Variants in SUMF1 observed in about 807,000 individuals in gnomAD.
The protein encoded by SUMF1 is formylglycine-generating enzyme.
A neutral mutation model predicts 47.6 loss-of-function variants in SUMF1; 48 were observed. The ratio of observed to expected loss-of-function variants is 1.01; its 90% CI spans 0.80 to 1.28. The LOEUF (loss-of-function observed/expected upper bound fraction) is 1.28. Ranked by LOEUF, SUMF1 falls within the 50% of genes most tolerant of loss-of-function variation. The pLI is 0.00. For missense variants in SUMF1, 571 were observed against 485.4 expected (o/e 1.18, Z -1.66); for synonymous variants, 230 against 192.1 (o/e 1.20, Z -1.63).
Position 4,350,031 on chromosome 3 carries a change from C to T in SUMF1, c.1014+26299G>A, listed in dbSNP as rs564356458. The stretch of plus-strand genomic sequence containing the variant: ...TTTTTTTTTTTCTGAGATGGAGTCT[C>T]GCTCTGTCGCCCAGGCTGGAGCGCA... On this transcript the variant is annotated intron_variant and NMD_transcript_variant, in intron 8 of 12. Transcript: ENST00000448413. Among the ~76,000 whole-genome samples the T allele has an allele frequency of 7.5e-5, 11 of 147,462 alleles. No individual in the cohort carries two copies. The East Asian group carries it at 1.2e-3, about 16-fold the overall frequency.
chr3:4,245,612 C>G (rs918682802), intron 8 of SUMF1, among the ~76,000 whole-genome samples: 9 of 152,162 alleles, frequency 5.9e-5, no homozygotes, highest in Non-Finnish European at 8.8e-5. Flanking sequence ...CCTCTGGAAG[C>G]TTCCTTCCAG....
At chr3:4,116,124 C>T (rs991011623) in intron 8 of SUMF1, among the ~76,000 whole-genome samples, 6 of 152,106 alleles carry the variant, frequency 3.9e-5, no homozygotes, top group Middle Eastern at 3.2e-3. Context: ...CCACAGTTAA[C>T]ATCATCCCCA....
chr3:4,149,359 C>T (rs1234576195), intron 8 of SUMF1, among the ~76,000 whole-genome samples: 2 of 152,066 alleles, frequency 1.3e-5, no homozygotes, highest in Non-Finnish European at 2.9e-5. Flanking sequence ...GACTATACAC[C>T]ATTTTCTCCT....
At chr3:4,155,206 A>T (rs1031717136) in intron 8 of SUMF1, among the ~76,000 whole-genome samples, 1 of 151,370 alleles carries the variant, frequency 6.6e-6, no homozygotes, top group Non-Finnish European at 1.5e-5. Context: ...TCCTATGCCA[A>T]TTAAGGTACT....
intron 8 of SUMF1, among the ~76,000 whole-genome samples, chr3:4,086,715 C>T (rs536610623): frequency 6.6e-6 from 1 of 152,096 alleles, no homozygotes; most frequent in South Asian, 2.1e-4. Context: ...CCCATAATAC[C>T]CTCATATTGT....
At chr3:4,371,277 G>T (rs551247735) in intron 8 of SUMF1, among the ~76,000 whole-genome samples, 1 of 152,132 alleles carries the variant, frequency 6.6e-6, no homozygotes, top group Non-Finnish European at 1.5e-5. Flanking sequence ...AAGTGGGAAG[G>T]ACCTGTTTTA....
intron 8 of SUMF1, among the ~76,000 whole-genome samples, chr3:4,216,165 A>C (rs900267023): frequency 6.6e-6 from 1 of 152,196 alleles, no homozygotes; most frequent in African/African-American, 2.4e-5. Context: ...AGTAACAAAA[A>C]CAGCATGGTA....
At chr3:4,355,068 C>T (rs141761223) in intron 8 of SUMF1, among the ~76,000 whole-genome samples, 14 of 152,234 alleles carry the variant, frequency 9.2e-5, no homozygotes, top group Non-Finnish European at 1.5e-4. Context: ...AAGACAGTGA[C>T]GCCGGACACA....
chr3:4,379,176 A>G (rs1700420860), intron 7 of SUMF1, among the ~76,000 whole-genome samples: 1 of 152,250 alleles, frequency 6.6e-6, no homozygotes, highest in African/African-American at 2.4e-5. Flanking sequence ...AAAAATTACT[A>G]GGAGGGTGTA....
At chr3:4,102,476 C>T (rs769382593) in intron 8 of SUMF1, among the ~76,000 whole-genome samples, 12 of 152,244 alleles carry the variant, frequency 7.9e-5, no homozygotes, top group East Asian at 5.8e-4. Context: ...CCTTCATCCG[C>T]TCCTCACTTA....
chr3:4,070,646 T>A (rs138220342), intron 8 of SUMF1, among the ~76,000 whole-genome samples: 3 of 151,296 alleles, frequency 2.0e-5, no homozygotes, highest in Admixed American at 2.0e-4. Context: ...TTCTTTTTTC[T>A]TTTTTTTTAG....
intron 8 of SUMF1, chr3:4,317,549 C>T (rs891097757): frequency 5.2e-6 from 1 of 192,060 alleles, no homozygotes; most frequent in African/African-American, 2.3e-5. Context: ...AAGATTAAAA[C>T]ATGTACCTTG....
intron 8 of SUMF1, among the ~76,000 whole-genome samples, chr3:4,296,713 A>G (rs1178431874): frequency 1.3e-5 from 2 of 152,144 alleles, no homozygotes; most frequent in African/African-American, 4.8e-5. Context: ...TGAGATTTGG[A>G]TGGGAACACA....
chr3:4,151,999 C>G (rs1300604637), intron 8 of SUMF1, among the ~76,000 whole-genome samples: 3 of 151,534 alleles, frequency 2.0e-5, no homozygotes, highest in Non-Finnish European at 4.4e-5. Flanking sequence ...CAATTCAGTT[C>G]AAGTATTAAT....
In SUMF1 at chr3:4,335,960, C is replaced by CAAAAA. The variant is rs770091674; in HGVS notation, c.1014+40365_1014+40369dup. 1.9e-3 allele frequency among the ~76,000 whole-genome samples: 140 copies of CAAAAA among 73,710 alleles called. 1 individual carries two copies. Among genetic ancestry groups the CAAAAA allele is most frequent in the African/African-American group, 3.8e-3 (53 of 14,048 alleles). The allele number at this position is 73,710 out of a possible 152,430, so 48.4% of individuals were successfully genotyped here. A position where few individuals can be genotyped will look rare whatever the true frequency, so the allele number is the denominator to read the frequency against. On this transcript the variant is annotated intron_variant and NMD_transcript_variant, in intron 8 of 12. Transcript: ENST00000448413. ...TGGACAACTGAGTGAGATTCCAACT[C>CAAAAA]AAAAAAAAAAAAAAAAAAAACAGAA...
chr3:4,410,759 C>A (rs1406407484), intron 7 of SUMF1, 106 bp downstream of exon 7: 4 of 984,252 alleles, frequency 4.1e-6, no homozygotes, highest in Non-Finnish European at 6.6e-6. Context: ...AGATTAATTT[C>A]CAGAGTATGT....
At chr3:4,131,225 G>A (rs1196308239) in intron 8 of SUMF1, among the ~76,000 whole-genome samples, 1 of 152,184 alleles carries the variant, frequency 6.6e-6, no homozygotes, top group Non-Finnish European at 1.5e-5. Flanking sequence ...TCAAATGGAA[G>A]TGGTATATTC....
At chr3:4,253,985 A>G (rs1465498436) in intron 8 of SUMF1, among the ~76,000 whole-genome samples, 2 of 150,564 alleles carry the variant, frequency 1.3e-5, no homozygotes, top group African/African-American at 2.5e-5. Context: ...ACTGGGAGGC[A>G]CCCCCCAGCA....
chr3:4,233,398 T>G (rs1187052165), intron 8 of SUMF1, among the ~76,000 whole-genome samples: 1 of 152,142 alleles, frequency 6.6e-6, no homozygotes, highest in East Asian at 1.9e-4. Flanking sequence ...TCTTTTTTTA[T>G]GAGCCGTTTT....
Sources: allele counts gnomAD v4.1 joint callset (sites outside exome capture counted in the v4.1 genomes callset), GRCh38; gene constraint gnomAD v4.1.1; transcripts MANE v1.5; gene names NCBI Gene and HGNC (gene_info 2026-07-23, HGNC 2026-07-21).